The following SPRR1B variants were observed in gnomAD, a reference collection of about 807,000 sequenced individuals.
The protein encoded by SPRR1B is small proline rich protein 1B, also known as cornifin-B.
A neutral mutation model predicts 1.2 loss-of-function variants in SPRR1B; 1 was observed. The ratio of observed to expected loss-of-function variants is 0.82; its 90% CI spans 0.29 to 3.89. The LOEUF is 3.89. Ranked by LOEUF, SPRR1B falls within the 30% of genes most tolerant of loss-of-function variation. The probability of loss-of-function intolerance (pLI) is 0.18; values close to 1 mark genes in which losing one functional copy is unlikely to be tolerated. For synonymous variants in SPRR1B, 37 were observed against 38.3 expected, an observed-to-expected ratio of 0.97 and a Z score of 0.13; for missense variants, 102 against 106.0, an observed-to-expected ratio of 0.96 and a Z score of 0.17.
In SPRR1B at chr1:153,031,418, TCATA is replaced by T; in HGVS notation, c.-20+173_-20+176del. Among the ~76,000 whole-genome samples the T allele has an allele frequency of 1.3e-5, 2 of 152,280 alleles. 1 individual carries two copies. Among genetic ancestry groups the T allele is most frequent in the Non-Finnish European group, 2.9e-5 (2 of 68,028 alleles). ...AGGAATATCTTCATTTTAAAAGTGT[TCATA>T]CTGTAGGCTTGAAGAGAATTTAGAC... On this transcript the variant is annotated intron_variant, in intron 1 of 1. Transcript: ENST00000307098.
chr1:153,032,674 A>T lies in SPRR1B; in HGVS notation c.*59A>T. 5 of 1,579,460 alleles carry T rather than the reference A, an allele frequency of 3.2e-6. No individual in the cohort carries two copies. The highest frequency in any genetic ancestry group is 4.3e-6 in the Non-Finnish European group (5 of 1,162,658). On this transcript the variant is annotated 3_prime_UTR_variant, in exon 2 of 2. Transcript: ENST00000307098. The stretch of plus-strand genomic sequence containing the variant: ...CACCAGATGCTGAATCCCCTATCCC[A>T]TTCTGCGTATGAGTCCCATTTGCCT...
chr1:153,032,337 T>C lies in SPRR1B; in HGVS notation c.-9T>C, dbSNP rs372265878. 8.1e-6 allele frequency: 13 copies of C among 1,613,204 alleles called. No individual in the cohort carries two copies. In the African/African-American group the frequency reaches 1.6e-4, roughly 20 times the overall value. On this transcript the variant is annotated 5_prime_UTR_variant, in exon 2 of 2. Coordinates refer to ENST00000307098, the MANE Select transcript of SPRR1B (RefSeq NM_003125.3). ...CTGTTCTGTGTCCAGGACCAGTCAC[T>C]GTTGCAGCATGAGTTCCCAGCAGCA...
chr1:153,031,269 T>A (rs1450924428), intron 1 of SPRR1B, 22 bp downstream of exon 1: 1 of 152,250 alleles, frequency 6.6e-6, no homozygotes, highest in East Asian at 1.9e-4. Context: ...TACTTGGAAC[T>A]CTTTAGCATC....
chr1:153,031,904 AGAG>A (rs145923188), intron 1 of SPRR1B, among the ~76,000 whole-genome samples: 1,793 of 152,302 alleles, frequency 0.012, 33 homozygotes, highest in African/African-American at 0.04. Flanking sequence ...CATTTAAGAC[AGAG>A]GAGAACTTGA....
chr1:153,032,771 CT>C lies in SPRR1B; in HGVS notation c.*157del. On this transcript the variant is annotated 3_prime_UTR_variant, in exon 2 of 2. Transcript: ENST00000307098. Reference sequence around the variant, plus strand: ...TTTCTTTCCTACACACTCTGAGTCTCTGAATGAAGCTGAAGGTCTTAGTACC... The same window carrying C: ...TTTCTTTCCTACACACTCTGAGTCTCGAATGAAGCTGAAGGTCTTAGTACC... The C allele has an allele frequency of 7.6e-7, 1 of 1,316,324 alleles. No homozygotes were observed. The highest frequency in any genetic ancestry group is 1.0e-6 in the Non-Finnish European group (1 of 977,058). The allele number at this position is 1,316,324 out of a possible 1,614,324, so 81.5% of individuals were successfully genotyped here.
chr1:153,032,782 T>G lies in SPRR1B; in HGVS notation c.*167T>G, dbSNP rs953328023. On this transcript the variant is annotated 3_prime_UTR_variant, in exon 2 of 2. Transcript: ENST00000307098. ...CACACTCTGAGTCTCTGAATGAAGC[T>G]GAAGGTCTTAGTACCAGAGCTAGTT... 112 of 1,286,980 alleles carry G rather than the reference T, an allele frequency of 8.7e-5. No homozygotes were observed. Among genetic ancestry groups the G allele is most frequent in the Non-Finnish European group, 1.2e-4 (111 of 950,960 alleles). The allele number at this position is 1,286,980 out of a possible 1,614,324, so 79.7% of individuals were successfully genotyped here. A position where few individuals can be genotyped will look rare whatever the true frequency, so the allele number is the denominator to read the frequency against.
intron 1 of SPRR1B, among the ~76,000 whole-genome samples, chr1:153,031,783 T>C (rs1653715593): frequency 6.6e-6 from 1 of 152,146 alleles, no homozygotes; most frequent in African/African-American, 2.4e-5. Context: ...CTGTGACAGT[T>C]TGGGAATAGA....
At chr1:153,031,946 T>C (rs1653719872) in intron 1 of SPRR1B, among the ~76,000 whole-genome samples, 1 of 152,164 alleles carries the variant, frequency 6.6e-6, no homozygotes, top group Non-Finnish European at 1.5e-5. Context: ...TTGCTTGGGG[T>C]TCTAGAGAGG....
In SPRR1B at chr1:153,032,324, C is replaced by T. The variant is rs752280386; in HGVS notation, c.-19-3C>T. 8.1e-6 allele frequency: 13 copies of T among 1,610,778 alleles called. No homozygotes were observed. Among genetic ancestry groups the T allele is most frequent in the East Asian group, 2.2e-5 (1 of 44,872 alleles). ...CTGCTTAAATCATCTGTTCTGTGTCCAGGACCAGTCACTGTTGCAGCATGA... is the reference window on the plus strand; with the variant it reads ...CTGCTTAAATCATCTGTTCTGTGTCTAGGACCAGTCACTGTTGCAGCATGA... On this transcript the variant is annotated splice_polypyrimidine_tract_variant and splice_region_variant and intron_variant, in intron 1 of 1. Coordinates refer to ENST00000307098, the MANE Select transcript of SPRR1B (RefSeq NM_003125.3).
Position 153,032,717 on chromosome 1 carries a change from CT to C in SPRR1B, c.*103del. Reference sequence around the variant, plus strand: ...ATTTGCCTTGCAATTAGCATTCTGTCTCCCCCAAAAAAGAATGTGCTATGAA... The same window carrying C: ...ATTTGCCTTGCAATTAGCATTCTGTCCCCCCAAAAAAGAATGTGCTATGAA... On this transcript the variant is annotated 3_prime_UTR_variant, in exon 2 of 2. Transcript: ENST00000307098. 1 of 1,512,260 alleles carries C rather than the reference CT, an allele frequency of 6.6e-7. No homozygotes were observed. The highest frequency in any genetic ancestry group is 8.9e-7 in the Non-Finnish European group (1 of 1,129,222). The allele number at this position is 1,512,260 out of a possible 1,614,324, so 93.7% of individuals were successfully genotyped here. A position where few individuals can be genotyped will look rare whatever the true frequency, so the allele number is the denominator to read the frequency against.
chr1:153,032,800 A>G lies in SPRR1B; in HGVS notation c.*185A>G. 8.6e-7 allele frequency: 1 copy of G among 1,157,390 alleles called. No homozygotes were observed. Among genetic ancestry groups the G allele is most frequent in the Non-Finnish European group, 1.2e-6 (1 of 836,928 alleles). 71.7% of individuals were successfully genotyped at this position (1,157,390 alleles called of 1,614,324 possible). A position where few individuals can be genotyped will look rare whatever the true frequency, so the allele number is the denominator to read the frequency against. ...ATGAAGCTGAAGGTCTTAGTACCAGAGCTAGTTTTCAGCTGCTCAGAATTC... is the reference window on the plus strand; with the variant it reads ...ATGAAGCTGAAGGTCTTAGTACCAGGGCTAGTTTTCAGCTGCTCAGAATTC... On this transcript the variant is annotated 3_prime_UTR_variant, in exon 2 of 2. Coordinates refer to ENST00000307098, the MANE Select transcript of SPRR1B (RefSeq NM_003125.3).
In SPRR1B at chr1:153,032,718, T is replaced by TC; in HGVS notation, c.*108dup. Reference sequence around the variant, plus strand: ...TTTGCCTTGCAATTAGCATTCTGTCTCCCCCAAAAAAGAATGTGCTATGAA... The same window carrying TC: ...TTTGCCTTGCAATTAGCATTCTGTCTCCCCCCAAAAAAGAATGTGCTATGAA... On this transcript the variant is annotated 3_prime_UTR_variant, in exon 2 of 2. Transcript: ENST00000307098. 1.3e-6 allele frequency: 2 copies of TC among 1,511,566 alleles called. No homozygotes were observed. The highest frequency in any genetic ancestry group is 8.9e-7 in the Non-Finnish European group (1 of 1,129,436). 93.6% of individuals were successfully genotyped at this position (1,511,566 alleles called of 1,614,324 possible).
In SPRR1B at chr1:153,032,333, T is replaced by C. The variant is rs3181787; in HGVS notation, c.-13T>C. On this transcript the variant is annotated 5_prime_UTR_variant, in exon 2 of 2. Coordinates refer to ENST00000307098, the MANE Select transcript of SPRR1B (RefSeq NM_003125.3). ...TCATCTGTTCTGTGTCCAGGACCAG[T>C]CACTGTTGCAGCATGAGTTCCCAGC... 824,241 of 1,611,476 alleles carry C rather than the reference T, an allele frequency of 0.51. 212,752 individuals are homozygous for C. The highest frequency in any genetic ancestry group is 0.62 in the East Asian group (27,769 of 44,820).
rs5777841 is a variant in SPRR1B at position 153,032,027 on chromosome 1, G to GT, written c.-19-290dup. On this transcript the variant is annotated intron_variant, in intron 1 of 1. Transcript: ENST00000307098. ...GAGTGAGTAGATTTAATTTGTTAGG[G>GT]TTTTTTTTTTCCAAAGAACCTCACA... Among the ~76,000 whole-genome samples the GT allele has an allele frequency of 1.1e-3, 161 of 150,566 alleles. 1 individual carries two copies. Among genetic ancestry groups the GT allele is most frequent in the Non-Finnish European group, 1.9e-3 (126 of 67,548 alleles).
chr1:153,032,285 T>C, intron 1 of SPRR1B, 42 bp from the exon 2 acceptor site: 2 of 1,564,224 alleles, frequency 1.3e-6, no homozygotes, highest in East Asian at 4.5e-5. Context: ...CCATGGCTTC[T>C]TCCCTATTAT....
chr1:153,032,737 C>A lies in SPRR1B; in HGVS notation c.*122C>A. ...TCTGTCTCCCCCAAAAAAGAATGTG[C>A]TATGAAGCTTTCTTTCCTACACACT... On this transcript the variant is annotated 3_prime_UTR_variant, in exon 2 of 2. Transcript: ENST00000307098. The A allele has an allele frequency of 3.4e-6, 5 of 1,468,970 alleles. No homozygotes were observed. The highest frequency in any genetic ancestry group is 4.5e-6 in the Non-Finnish European group (5 of 1,101,138). 91.0% of individuals were successfully genotyped at this position (1,468,970 alleles called of 1,614,324 possible). A position where few individuals can be genotyped will look rare whatever the true frequency, so the allele number is the denominator to read the frequency against.
chr1:153,032,195 C>T (rs147535266), intron 1 of SPRR1B, 132 bp from the exon 2 acceptor site: 4 of 1,209,938 alleles, frequency 3.3e-6, no homozygotes, highest in Admixed American at 5.0e-5. Context: ...TCTTCAAAGG[C>T]TCAGAAATTA....
rs759213366 is a variant in SPRR1B, at chr1:153,032,386, C to T, written c.41C>T (p.Pro14Leu). Residue 14 changes from proline to leucine, a missense_variant, in exon 2 of 2, where the codon CCT (proline) becomes CTT (leucine). Physicochemically the swap from Pro to Leu is moderately conservative, Grantham distance 98. Coordinates refer to ENST00000307098, the MANE Select transcript of SPRR1B (RefSeq NM_003125.3). Reference sequence around the variant, plus strand: ...CAGAAGCAGCCTTGCACCCCACCCCCTCAGCTTCAGCAGCAGCAGGTGAAA... The same window carrying T: ...CAGAAGCAGCCTTGCACCCCACCCCTTCAGCTTCAGCAGCAGCAGGTGAAA... ...QQQKQPCTPPPQLQQQQVKQP... is the reference protein window; with the variant it reads ...QQQKQPCTPPLQLQQQQVKQP... 1.1e-5 allele frequency: 18 copies of T among 1,613,926 alleles called. No homozygotes were observed. Among genetic ancestry groups the T allele is most frequent in the Non-Finnish European group, 1.4e-5 (17 of 1,179,942 alleles).
intron 1 of SPRR1B, among the ~76,000 whole-genome samples, chr1:153,032,103 A>T (rs756576178): frequency 2.0e-5 from 3 of 151,974 alleles, no homozygotes; most frequent in Non-Finnish European, 2.9e-5. Context: ...GAAGCCTGTT[A>T]TTGTGCTGTG....
Sources: gnomAD v4.1 joint callset for allele counts (sites outside exome capture counted in the v4.1 genomes callset) on GRCh38, gnomAD v4.1.1 for gene constraint, MANE v1.5 for transcripts, NCBI Gene and HGNC (gene_info 2026-07-23, HGNC 2026-07-21) for gene names.